The following AGPAT3 variants were observed in gnomAD, a reference collection of about 807,000 sequenced individuals.
AGPAT3 encodes 1-acylglycerol-3-phosphate O-acyltransferase 3.
A neutral mutation model predicts 47.3 loss-of-function variants in AGPAT3; 5 were observed. The ratio of observed to expected loss-of-function variants is 0.11; its 90% CI spans 0.06 to 0.22. The LOEUF is 0.22. Among genes scored for constraint, AGPAT3 ranks in the 10% least tolerant of loss-of-function variants. The pLI, the probability that AGPAT3 is intolerant of heterozygous loss-of-function variation, is 1.00. For missense variants in AGPAT3, 315 were observed against 493.0 expected (o/e 0.64, Z 3.42); for synonymous variants, 212 against 208.3 (o/e 1.02, Z -0.15).
At chr21:43,870,061 A>G (rs182478034) in intron 1 of AGPAT3, among the ~76,000 whole-genome samples, 1 of 152,168 alleles carries the variant, frequency 6.6e-6, no homozygotes, top group Non-Finnish European at 1.5e-5. Context: ...AGACAATCCC[A>G]ACTGTGACTC....
intron 1 of AGPAT3, among the ~76,000 whole-genome samples, chr21:43,893,154 A>G (rs2086137080): frequency 6.6e-6 from 1 of 152,192 alleles, no homozygotes; most frequent in Non-Finnish European, 1.5e-5. Flanking sequence ...TCTTAGCTCC[A>G]TCTGCAGATG....
intron 1 of AGPAT3, among the ~76,000 whole-genome samples, chr21:43,889,781 T>A (rs1198061507): frequency 6.6e-6 from 1 of 152,228 alleles, no homozygotes; most frequent in East Asian, 1.9e-4. Context: ...TAAAAAATAC[T>A]TGATTGCTAA....
intron 3 of AGPAT3, chr21:43,965,624 T>G (rs1253379831): frequency 6.6e-6 from 1 of 152,532 alleles, no homozygotes; most frequent in African/African-American, 2.4e-5. Context: ...TTGTTGTTGT[T>G]GTTTTGAGAC....
At chr21:43,900,564 A>G (rs2086325601) in intron 1 of AGPAT3, among the ~76,000 whole-genome samples, 1 of 152,168 alleles carries the variant, frequency 6.6e-6, no homozygotes, top group Admixed American at 6.5e-5. Context: ...GTACAAAGAA[A>G]AATATGGAAG....
At chr21:43,929,294 G>A (rs1303115619) in intron 2 of AGPAT3, among the ~76,000 whole-genome samples, 3 of 152,140 alleles carry the variant, frequency 2.0e-5, no homozygotes, top group Non-Finnish European at 4.4e-5. Flanking sequence ...GGCCGCATGC[G>A]GGCTTGTGTG....
At chr21:43,960,091 CG>C (rs975083315) in intron 3 of AGPAT3, among the ~76,000 whole-genome samples, 1 of 152,310 alleles carries the variant, frequency 6.6e-6, no homozygotes, top group African/African-American at 2.4e-5. Flanking sequence ...CAGCTTCCCA[CG>C]GTTTACCAGA....
chr21:43,890,726 TTCATTTA>T (rs1237992761), intron 1 of AGPAT3, among the ~76,000 whole-genome samples: 2 of 149,582 alleles, frequency 1.3e-5, no homozygotes, highest in Non-Finnish European at 3.0e-5. Flanking sequence ...TTTTTTTTTT[TTCATTTA>T]TTTATTTATT....
At chr21:43,941,742 C>T (rs1293679757) in intron 2 of AGPAT3, among the ~76,000 whole-genome samples, 1 of 152,262 alleles carries the variant, frequency 6.6e-6, no homozygotes, top group Non-Finnish European at 1.5e-5. Flanking sequence ...CTGGCCCCAG[C>T]GAGCGGGCGA....
In AGPAT3 at chr21:43,982,414, A is replaced by T. The variant is rs371483292; in HGVS notation, c.*22A>T. 6.4e-7 allele frequency: 1 copy of T among 1,572,714 alleles called. No homozygotes were observed. Among genetic ancestry groups the T allele is most frequent in the South Asian group, 1.1e-5 (1 of 90,068 alleles). On this transcript the variant is annotated 3_prime_UTR_variant, in exon 10 of 10. Coordinates refer to ENST00000291572, the MANE Select transcript of AGPAT3 (RefSeq NM_020132.5). This position sits in a 1 kb window ranked among gnomAD's most constrained non-coding sequence, Gnocchi z 6.2. ...ATAATTAATGGCTGTGACTGAACACACGCGGCCCTGACGGTGGTATCCAGT... is the reference window on the plus strand; with the variant it reads ...ATAATTAATGGCTGTGACTGAACACTCGCGGCCCTGACGGTGGTATCCAGT...
At chr21:43,875,558 C>T (rs1384418477) in intron 1 of AGPAT3, among the ~76,000 whole-genome samples, 1 of 152,218 alleles carries the variant, frequency 6.6e-6, no homozygotes, top group Non-Finnish European at 1.5e-5. Context: ...CTTCAGCTGT[C>T]TTCCAATTTA....
At chr21:43,907,491 G>A (rs897474410) in intron 2 of AGPAT3, among the ~76,000 whole-genome samples, 3 of 152,182 alleles carry the variant, frequency 2.0e-5, no homozygotes, top group African/African-American at 7.2e-5. Context: ...GCCGAGGCAG[G>A]CGGATCACGA....
At chr21:43,882,180 C>T (rs2085867867) in intron 1 of AGPAT3, among the ~76,000 whole-genome samples, 1 of 152,266 alleles carries the variant, frequency 6.6e-6, no homozygotes. Flanking sequence ...GCCTGTCATT[C>T]CCCGCCCTGC....
In AGPAT3 at chr21:43,915,405, C is replaced by CTTTTTTTTTTTT. The variant is rs747494231; in HGVS notation, c.-49+11401_-49+11412dup. On this transcript the variant is annotated intron_variant, in intron 2 of 9. Coordinates refer to ENST00000291572, the MANE Select transcript of AGPAT3 (RefSeq NM_020132.5). The stretch of plus-strand genomic sequence containing the variant: ...TTTTATTCTCCATTTTCTTGATTAG[C>CTTTTTTTTTTTT]TTTTTTTTTTTTTTTTTTTTTTTTT... 5.1e-5 allele frequency among the ~76,000 whole-genome samples: 2 copies of CTTTTTTTTTTTT among 38,848 alleles called. 1 individual carries two copies. The highest frequency in any genetic ancestry group is 2.3e-4 in the African/African-American group (2 of 8,844). The allele number at this position is 38,848 out of a possible 152,430, so 25.5% of individuals were successfully genotyped here. A position where few individuals can be genotyped will look rare whatever the true frequency, so the allele number is the denominator to read the frequency against.
At chr21:43,942,520 C>T (rs1240702526) in intron 2 of AGPAT3, among the ~76,000 whole-genome samples, 1 of 152,236 alleles carries the variant, frequency 6.6e-6, no homozygotes, top group Non-Finnish European at 1.5e-5. Context: ...CCCGCCCCTG[C>T]GGTGGCCACT....
rs1025454394 is a variant in AGPAT3, at chr21:43,983,309, C to A, written c.*917C>A. On this transcript the variant is annotated 3_prime_UTR_variant, in exon 10 of 10. Transcript: ENST00000291572. Reference sequence around the variant, plus strand: ...GATGCTTCAGAAGAAGCGACGGCACCGTCAACCCTCTGTTTTTTAAAGGTG... The same window carrying A: ...GATGCTTCAGAAGAAGCGACGGCACAGTCAACCCTCTGTTTTTTAAAGGTG... 1 of 152,254 alleles carries A rather than the reference C, an allele frequency of 6.6e-6. No homozygotes were observed. The highest frequency in any genetic ancestry group is 2.4e-5 in the African/African-American group (1 of 41,466). The allele number at this position is 152,254 out of a possible 1,614,324, so 9.4% of individuals were successfully genotyped here.
At chr21:43,961,745 C>T (rs1020354421) in intron 3 of AGPAT3, among the ~76,000 whole-genome samples, 5 of 151,786 alleles carry the variant, frequency 3.3e-5, no homozygotes, top group African/African-American at 7.3e-5. Flanking sequence ...AAACGGTGAG[C>T]GCGTATACAC....
intron 1 of AGPAT3, among the ~76,000 whole-genome samples, chr21:43,883,700 TCTC>T (rs1240956616): frequency 6.6e-6 from 1 of 152,208 alleles, no homozygotes; most frequent in Non-Finnish European, 1.5e-5. Context: ...TTCAAGCGAT[TCTC>T]CTGCCTCAGG....
rs11365476 is a variant in AGPAT3, at chr21:43,909,292, ATT to A, written c.-49+5293_-49+5294del. ...GGTGGGCCACTCATTTTTCATACAC[ATT>A]TTTTTTTTTTTTTTTTTTTGAGACG... On this transcript the variant is annotated intron_variant, in intron 2 of 9. Coordinates refer to ENST00000291572, the MANE Select transcript of AGPAT3 (RefSeq NM_020132.5). Among the ~76,000 whole-genome samples the A allele has an allele frequency of 7.9e-3, 813 of 102,280 alleles. 3 individuals carry two copies. The highest frequency in any genetic ancestry group is 0.019 in the African/African-American group (551 of 28,284). 67.1% of individuals were successfully genotyped at this position (102,280 alleles called of 152,430 possible).
In AGPAT3 at chr21:43,941,446, C is replaced by T. The variant is rs141824152; in HGVS notation, c.-48-18188C>T. On this transcript the variant is annotated intron_variant, in intron 2 of 9. Coordinates refer to ENST00000291572, the MANE Select transcript of AGPAT3 (RefSeq NM_020132.5). The stretch of plus-strand genomic sequence containing the variant: ...AGAGCCAAAAGACAGAATCCTAAGG[C>T]TGAGGCAGGAGGATCCCTTGAGCTC... Among the ~76,000 whole-genome samples the T allele has an allele frequency of 3.5e-4, 53 of 152,346 alleles. 1 individual carries two copies. In the East Asian group the frequency reaches 9.2e-3, roughly 27 times the overall value.
Sources: allele counts gnomAD v4.1 joint callset (sites outside exome capture counted in the v4.1 genomes callset), GRCh38; gene constraint gnomAD v4.1.1; non-coding constraint Gnocchi (gnomAD v3.1); transcripts MANE v1.5; gene names NCBI Gene and HGNC (gene_info 2026-07-23, HGNC 2026-07-21).